Variants in TTC28 observed in about 807,000 individuals in gnomAD.
The protein encoded by TTC28 is tetratricopeptide repeat protein 28.
In TTC28, 61 loss-of-function variants were observed where a neutral mutation model predicts 198.0. The ratio of observed to expected loss-of-function variants is 0.31; its 90% CI spans 0.25 to 0.38. TTC28 has a LOEUF of 0.38. Among genes scored for constraint, TTC28 ranks in the 10% least tolerant of loss-of-function variants. The pLI, the probability that TTC28 is intolerant of heterozygous loss-of-function variation, is 1.00. For missense variants in TTC28, 2,678 were observed against 3,164.0 expected (o/e 0.85, Z 3.69); for synonymous variants, 1,171 against 1,297.8 (o/e 0.90, Z 2.10).
chr22:28,581,842 A>G (rs948892040), intron 2 of TTC28, among the ~76,000 whole-genome samples: 1 of 152,188 alleles, frequency 6.6e-6, no homozygotes, highest in Non-Finnish European at 1.5e-5. Context: ...AATAAATCAT[A>G]TATCTGTAAG....
At chr22:28,593,355 C>G (rs1327721611) in intron 2 of TTC28, among the ~76,000 whole-genome samples, 1 of 152,172 alleles carries the variant, frequency 6.6e-6, no homozygotes, top group East Asian at 1.9e-4. Context: ...AGCCCTAATT[C>G]CCAGACTAAA....
At chr22:28,136,461 T>C (rs1943202052) in intron 6 of TTC28, among the ~76,000 whole-genome samples, 1 of 152,218 alleles carries the variant, frequency 6.6e-6, no homozygotes. Context: ...ATGCTTATTT[T>C]TGATTCTGCA....
At chr22:28,596,591 T>C (rs2050547313) in intron 2 of TTC28, among the ~76,000 whole-genome samples, 2 of 152,204 alleles carry the variant, frequency 1.3e-5, no homozygotes, top group South Asian at 4.1e-4. Flanking sequence ...ATTTTATAAT[T>C]AAATGTTCAG....
chr22:28,146,648 C>A (rs1330360727), intron 6 of TTC28, among the ~76,000 whole-genome samples: 1 of 152,158 alleles, frequency 6.6e-6, no homozygotes, highest in Non-Finnish European at 1.5e-5. Context: ...TAGAGCACTC[C>A]AACAGCTGGG....
chr22:28,192,009 C>A (rs1200130667), intron 5 of TTC28, among the ~76,000 whole-genome samples: 1 of 152,186 alleles, frequency 6.6e-6, no homozygotes, highest in Admixed American at 6.5e-5. Context: ...GGTCCCTGAC[C>A]GCCGAGTAGC....
chr22:28,349,188 C>A (rs1482554853), intron 2 of TTC28, among the ~76,000 whole-genome samples: 1 of 152,128 alleles, frequency 6.6e-6, no homozygotes, highest in African/African-American at 2.4e-5. Context: ...CACGCACACA[C>A]ACACACAGAC....
Position 28,203,066 on chromosome 22 carries a change from TAAC to T in TTC28, c.934-39470_934-39468del, listed in dbSNP as rs989243793. Among the ~76,000 whole-genome samples, 67 of 152,288 alleles carry T rather than the reference TAAC, an allele frequency of 4.4e-4. 1 individual carries two copies. Among genetic ancestry groups the T allele is most frequent in the African/African-American group, 1.4e-3 (58 of 41,558 alleles). On this transcript the variant is annotated intron_variant, in intron 5 of 22. Transcript: ENST00000397906. ...TTGTTTTCCAATTTTATATAAATAATAACATACTGTATACATCCTTCCGTAGAT... is the reference window on the plus strand; with the variant it reads ...TTGTTTTCCAATTTTATATAAATAATATACTGTATACATCCTTCCGTAGAT...
intron 12 of TTC28, among the ~76,000 whole-genome samples, chr22:28,066,299 TGTGTG>T (rs1940745857): frequency 2.6e-5 from 4 of 150,996 alleles, no homozygotes; most frequent in African/African-American, 7.4e-5. Context: ...TGTGTGTGTG[TGTGTG>T]GTGTGTGTGT....
At chr22:28,205,483 A>G (rs559115726) in intron 5 of TTC28, among the ~76,000 whole-genome samples, 1 of 152,244 alleles carries the variant, frequency 6.6e-6, no homozygotes, top group Non-Finnish European at 1.5e-5. Flanking sequence ...GGTCAAGTTG[A>G]TATGAAATTT....
chr22:28,470,002 A>AT (rs148969140), intron 2 of TTC28, among the ~76,000 whole-genome samples: 1 of 151,762 alleles, frequency 6.6e-6, no homozygotes, highest in Admixed American at 6.6e-5. Context: ...CATCCAGTTA[A>AT]TTTTTTTCTT....
At chr22:28,634,775 C>T (rs1036521183) in intron 1 of TTC28, among the ~76,000 whole-genome samples, 7 of 151,358 alleles carry the variant, frequency 4.6e-5, no homozygotes, top group African/African-American at 4.8e-5. Context: ...AGTAGAGATA[C>T]GGTTTTGCCA....
chr22:28,051,742 C>A (rs145965627), intron 12 of TTC28, among the ~76,000 whole-genome samples: 190 of 152,332 alleles, frequency 1.2e-3, no homozygotes, highest in African/African-American at 4.5e-3. Context: ...GCATTCTAAT[C>A]CTTCCATTTA....
At chr22:28,391,534 C>T (rs1171730870) in intron 2 of TTC28, among the ~76,000 whole-genome samples, 1 of 152,108 alleles carries the variant, frequency 6.6e-6, no homozygotes, top group East Asian at 1.9e-4. Flanking sequence ...GGAGGTTTTG[C>T]TCGTTTCTTT....
chr22:28,089,189 A>G, intron 12 of TTC28, among the ~76,000 whole-genome samples: 1 of 152,220 alleles, frequency 6.6e-6, no homozygotes, highest in Non-Finnish European at 1.5e-5. Flanking sequence ...ACTATAAATC[A>G]TGCTGCTATA....
At chr22:28,618,436 C>T (rs1033589664) in intron 2 of TTC28, among the ~76,000 whole-genome samples, 1 of 152,024 alleles carries the variant, frequency 6.6e-6, no homozygotes, top group Non-Finnish European at 1.5e-5. Flanking sequence ...AATCCAAGCA[C>T]TTTGGGAGGC....
intron 2 of TTC28, among the ~76,000 whole-genome samples, chr22:28,496,016 T>C (rs77580821): frequency 0.016 from 2,445 of 152,264 alleles, 87 homozygotes; most frequent in African/African-American, 0.057. Context: ...CAGCATCTTA[T>C]AGGCTCATTG....
intron 1 of TTC28, among the ~76,000 whole-genome samples, chr22:28,659,100 C>T (rs1392685272): frequency 6.6e-6 from 1 of 152,204 alleles, no homozygotes; most frequent in Non-Finnish European, 1.5e-5. Flanking sequence ...GGGCCCTCAC[C>T]AGAAGCAAAC....
rs2048336029 is a variant in TTC28, at chr22:28,488,350, C to T, written c.381+141202G>A. 3.3e-5 allele frequency among the ~76,000 whole-genome samples: 5 copies of T among 152,212 alleles called. No individual in the cohort carries two copies. The South Asian group carries it at 1.0e-3, about 32-fold the overall frequency. ...TTTTAAGGGAATGTGCCTGGCCATT[C>T]CCCGACTGCTAGCATTTGAATAAAG... On this transcript the variant is annotated intron_variant, in intron 2 of 22. Transcript: ENST00000397906.
chr22:28,184,640 T>C (rs910149471), intron 5 of TTC28, among the ~76,000 whole-genome samples: 38 of 152,114 alleles, frequency 2.5e-4, no homozygotes, highest in African/African-American at 8.9e-4. Flanking sequence ...TTGCTTAGCA[T>C]AAAAATATAC....
Sources: allele counts gnomAD v4.1 joint callset (sites outside exome capture counted in the v4.1 genomes callset), GRCh38; gene constraint gnomAD v4.1.1; transcripts MANE v1.5; gene names NCBI Gene and HGNC (gene_info 2026-07-23, HGNC 2026-07-21).